The following TTC3 variants were observed in gnomAD, a reference collection of about 807,000 sequenced individuals.
TTC3 encodes tetratricopeptide repeat domain 3.
Under a neutral mutation model 249.6 loss-of-function variants are expected in TTC3, and 180 were observed. The observed-to-expected ratio is 0.72, with a 90% CI of 0.64 to 0.82. The LOEUF (loss-of-function observed/expected upper bound fraction) is 0.82, where lower values mean the gene tolerates loss of function less well. Among genes scored for constraint, TTC3 ranks in the 40% least tolerant of loss-of-function variants. TTC3 has a pLI of 0.00. For synonymous variants in TTC3, 717 were observed against 805.0 expected (o/e 0.89, Z 1.85); for missense variants, 2,061 against 2,398.4 (o/e 0.86, Z 2.94).
At chr21:37,187,367 T>G (rs989633787) in intron 38 of TTC3, among the ~76,000 whole-genome samples, 2 of 152,244 alleles carry the variant, frequency 1.3e-5, no homozygotes, top group African/African-American at 2.4e-5. Flanking sequence ...ACTCATAGTG[T>G]ACACCAAATT....
chr21:37,172,051 A>G (rs1322203185), intron 34 of TTC3, among the ~76,000 whole-genome samples: 1 of 152,226 alleles, frequency 6.6e-6, no homozygotes, highest in Non-Finnish European at 1.5e-5. Context: ...ATTGTTTGCC[A>G]ACAGAATGGT....
chr21:37,177,180 G>A lies in TTC3; in HGVS notation c.4617+4436G>A, dbSNP rs567030936. On this transcript the variant is annotated intron_variant, in intron 35 of 45. Transcript: ENST00000355666. ...TCAGCTGGGATGACTGGGACAACTA[G>A]CTCTGCTCCACATGTCTTGCATCTT... Among the ~76,000 whole-genome samples the A allele has an allele frequency of 1.8e-4, 28 of 152,226 alleles. No homozygotes were observed. In the South Asian group the frequency reaches 5.6e-3, roughly 30 times the overall value.
rs1360190961 is a variant in TTC3 at position 37,151,878 on chromosome 21, G to A, written c.2277-15G>A. 8 of 1,560,782 alleles carry A rather than the reference G, an allele frequency of 5.1e-6. No individual in the cohort carries two copies. The Admixed American group carries it at 8.5e-5, about 17-fold the overall frequency. On this transcript the variant is annotated splice_polypyrimidine_tract_variant and intron_variant, in intron 25 of 45. Transcript: ENST00000355666. ...ACAGTTCATTGAGTTGTCACTAATT[G>A]TAAATGTTTATCAGCCTAGAGAAAC... is the stretch of plus-strand genomic sequence containing the variant.
intron 11 of TTC3, among the ~76,000 whole-genome samples, chr21:37,112,039 A>C (rs1042527458): frequency 6.6e-6 from 1 of 152,078 alleles, no homozygotes; most frequent in Non-Finnish European, 1.5e-5. Flanking sequence ...TCTGGGACAC[A>C]TTCAAAGCAG....
chr21:37,095,108 C>T (rs1381340699), intron 8 of TTC3, among the ~76,000 whole-genome samples: 1 of 139,426 alleles, frequency 7.2e-6, no homozygotes. Flanking sequence ...TGCCCTCCAA[C>T]CTGGGTGACA....
At chr21:37,134,441 T>TC (rs1250027895) in intron 17 of TTC3, among the ~76,000 whole-genome samples, 1 of 148,930 alleles carries the variant, frequency 6.7e-6, no homozygotes, top group Non-Finnish European at 1.5e-5. Context: ...AGAGCAAGAC[T>TC]CCATCTCAAA....
intron 11 of TTC3, among the ~76,000 whole-genome samples, chr21:37,111,688 A>G (rs1486602938): frequency 1.3e-5 from 2 of 152,204 alleles, no homozygotes; most frequent in Non-Finnish European, 2.9e-5. Context: ...TCAGCTCTGC[A>G]CCAAGCGGAC....
At position 37,093,968 on chromosome 21, in the gene TTC3, A is replaced by G. The variant is rs780575415; in HGVS notation, c.602-37A>G. Reference sequence around the variant, plus strand: ...TACCAATTTGTTTTTTTTTAAACAAATGTTCTCTCTTGCTCTCTCCTAAAA... The same window carrying G: ...TACCAATTTGTTTTTTTTTAAACAAGTGTTCTCTCTTGCTCTCTCCTAAAA... On this transcript the variant is annotated intron_variant, in intron 7 of 45. Transcript: ENST00000355666. 32 of 1,375,622 alleles carry G rather than the reference A, an allele frequency of 2.3e-5. No individual in the cohort carries two copies. In the South Asian group the frequency reaches 3.8e-4, roughly 16 times the overall value. 85.2% of individuals were successfully genotyped at this position (1,375,622 alleles called of 1,614,324 possible). A position where few individuals can be genotyped will look rare whatever the true frequency, so the allele number is the denominator to read the frequency against.
chr21:37,124,208 T>C (rs1383001037), intron 13 of TTC3, among the ~76,000 whole-genome samples: 1 of 133,046 alleles, frequency 7.5e-6, no homozygotes, highest in Non-Finnish European at 1.6e-5. Flanking sequence ...CTCCGCCTAC[T>C]GGGTTCAAGC....
intron 35 of TTC3, among the ~76,000 whole-genome samples, chr21:37,175,355 G>C (rs1196217034): frequency 6.6e-6 from 1 of 151,438 alleles, no homozygotes; most frequent in African/African-American, 2.4e-5. Flanking sequence ...CCAGCACTTT[G>C]GGAGGCCAAG....
At chr21:37,080,827 C>A (rs1315261550) in intron 1 of TTC3, among the ~76,000 whole-genome samples, 1 of 151,810 alleles carries the variant, frequency 6.6e-6, no homozygotes, top group Non-Finnish European at 1.5e-5. Flanking sequence ...AGTGTCCTTA[C>A]ATTTTAAGTG....
rs1279490527 is a variant in TTC3, at chr21:37,097,883, CATTT to C, written c.845+1244_845+1247del. 7.2e-6 allele frequency: 5 copies of C among 696,064 alleles called. No homozygotes were observed. In the East Asian group the frequency reaches 1.1e-4, roughly 15 times the overall value. The allele number at this position is 696,064 out of a possible 1,614,324, so 43.1% of individuals were successfully genotyped here. A position where few individuals can be genotyped will look rare whatever the true frequency, so the allele number is the denominator to read the frequency against. On this transcript the variant is annotated intron_variant, in intron 10 of 45. Coordinates refer to ENST00000355666, the Ensembl canonical transcript of TTC3. ...TCTAAGCATGTAGCTTTAAAAATAACATTTATTGTGTTTTTCTTTTATTGTAAAC... is the reference window on the plus strand; with the variant it reads ...TCTAAGCATGTAGCTTTAAAAATAACATTGTGTTTTTCTTTTATTGTAAAC...
At chr21:37,117,424 A>G (rs2076224616) in intron 11 of TTC3, among the ~76,000 whole-genome samples, 1 of 152,132 alleles carries the variant, frequency 6.6e-6, no homozygotes, top group African/African-American at 2.4e-5. Flanking sequence ...TTTGCTTGAA[A>G]CAAAATCTTT....
At chr21:37,102,852 GT>G (rs1281216829) in intron 10 of TTC3, among the ~76,000 whole-genome samples, 2 of 152,102 alleles carry the variant, frequency 1.3e-5, no homozygotes, top group Non-Finnish European at 2.9e-5. Flanking sequence ...CAAAAATTAG[GT>G]GGGCATGTTG....
chr21:37,107,271 A>G (rs2075174943), intron 10 of TTC3, among the ~76,000 whole-genome samples: 1 of 152,196 alleles, frequency 6.6e-6, no homozygotes, highest in South Asian at 2.1e-4. Context: ...GGGTACCCTG[A>G]GGAGATAGGA....
chr21:37,094,585 C>T (rs2073707492), intron 8 of TTC3, among the ~76,000 whole-genome samples: 1 of 152,200 alleles, frequency 6.6e-6, no homozygotes, highest in South Asian at 2.1e-4. Context: ...ATCTAATCAG[C>T]ATTGCCTCTA....
chr21:37,147,932 T>C (rs185129793), intron 22 of TTC3, among the ~76,000 whole-genome samples: 29 of 152,248 alleles, frequency 1.9e-4, no homozygotes, highest in African/African-American at 5.5e-4. Flanking sequence ...TTTCACCATA[T>C]TGGCCAGGAT....
intron 8 of TTC3, 79 bp from the exon 9 acceptor site, chr21:37,095,271 G>A: frequency 1.2e-6 from 1 of 852,570 alleles, no homozygotes; most frequent in Non-Finnish European, 1.9e-6. Context: ...TAGAAATCCA[G>A]ATCCATTTTT....
At chr21:37,148,281 A>G (rs1268106624) in intron 22 of TTC3, among the ~76,000 whole-genome samples, 1 of 152,220 alleles carries the variant, frequency 6.6e-6, no homozygotes, top group East Asian at 1.9e-4. Flanking sequence ...CCTAAATTTG[A>G]GATAAGTCTG....
Sources: allele counts gnomAD v4.1 joint callset (sites outside exome capture counted in the v4.1 genomes callset), GRCh38; gene constraint gnomAD v4.1.1; transcripts MANE v1.5; gene names NCBI Gene and HGNC (gene_info 2026-07-23, HGNC 2026-07-21).